The following CEP44 variants were observed in gnomAD, a reference collection of about 807,000 sequenced individuals.
CEP44 encodes the protein centrosomal protein 44.
Under a neutral mutation model 46.7 loss-of-function variants are expected in CEP44, and 45 were observed. That is an observed-to-expected ratio of 0.96 (90% CI 0.76 to 1.24). CEP44 has a LOEUF of 1.24. Among genes scored for constraint, CEP44 ranks in the 50% most tolerant of loss-of-function variants. CEP44 has a pLI of 0.00. For synonymous variants in CEP44, 142 were observed against 146.0 expected (o/e 0.97, Z 0.20); for missense variants, 475 against 459.7 (o/e 1.03, Z -0.30).
chr4:174,326,186 AT>A lies in CEP44; in HGVS notation c.1087-5289del, dbSNP rs1478125291. Among the ~76,000 whole-genome samples, 4 of 146,184 alleles carry A rather than the reference AT, an allele frequency of 2.7e-5. No individual in the cohort carries two copies. The highest frequency in any genetic ancestry group is 2.0e-4 in the East Asian group (1 of 4,892). On this transcript the variant is annotated intron_variant, in intron 8 of 8. Transcript: ENST00000426172. The surrounding 1 kb of genome is among the most constrained non-coding windows in gnomAD (Gnocchi z 4.8). ...CACTGGATATTTTTTAATGTTTTTT[AT>A]TTTTTTCTTGGCTTATGAAGTATCC...
In CEP44 at chr4:174,325,573, T is replaced by C. The variant is rs1470424725; in HGVS notation, c.1087-5909T>C. Among the ~76,000 whole-genome samples the C allele has an allele frequency of 1.3e-5, 2 of 152,060 alleles. No individual in the cohort carries two copies. Among genetic ancestry groups the C allele is most frequent in the Non-Finnish European group, 2.9e-5 (2 of 68,008 alleles). On this transcript the variant is annotated intron_variant, in intron 8 of 8. Coordinates refer to the CEP44 transcript ENST00000426172. The surrounding 1 kb of genome is among the most constrained non-coding windows in gnomAD (Gnocchi z 4.4). Reference sequence around the variant, plus strand: ...GAGAGGCTGAGGTGGGAAGATAACTTGAGCTGAGGAGGTTGTGGCTTCAGT... The same window carrying C: ...GAGAGGCTGAGGTGGGAAGATAACTCGAGCTGAGGAGGTTGTGGCTTCAGT...
intron 9 of CEP44, among the ~76,000 whole-genome samples, chr4:174,313,874 A>C (rs964054198): frequency 1.3e-5 from 2 of 152,168 alleles, no homozygotes; most frequent in Non-Finnish European, 2.9e-5. Flanking sequence ...AAATTCAGGA[A>C]GAGGAGAAGG....
chr4:174,299,784 C>T (rs1171343904), intron 3 of CEP44, among the ~76,000 whole-genome samples: 1 of 152,160 alleles, frequency 6.6e-6, no homozygotes, highest in Non-Finnish European at 1.5e-5. Flanking sequence ...ACTTTAGCTC[C>T]CATTTTGCAA....
In CEP44 at chr4:174,329,381, A is replaced by G. The variant is rs1206149899; in HGVS notation, c.1087-2101A>G. 6.6e-6 allele frequency among the ~76,000 whole-genome samples: 1 copy of G among 152,128 alleles called. No individual in the cohort carries two copies. The highest frequency in any genetic ancestry group is 2.4e-5 in the African/African-American group (1 of 41,446). ...ACACATTTTAATAGGAGTTAATTAT[A>G]AGAATTTTTAGAAAAGTTGTTAGCA... On this transcript the variant is annotated intron_variant, in intron 8 of 8. Coordinates refer to the CEP44 transcript ENST00000426172. The surrounding 1 kb of genome is among the most constrained non-coding windows in gnomAD (Gnocchi z 4.0).
At chr4:174,317,280 C>A in intron 11 of CEP44, 55 bp from the exon 12 acceptor site, 1 of 711,930 alleles carries the variant, frequency 1.4e-6, no homozygotes, top group Non-Finnish European at 2.1e-6. Context: ...AACTAAAATG[C>A]TATGCTTTAT....
chr4:174,330,476 G>A (rs1474715428), intron 8 of CEP44, among the ~76,000 whole-genome samples: 1 of 147,632 alleles, frequency 6.8e-6, no homozygotes, highest in Non-Finnish European at 1.5e-5. Context: ...GCAACAGAGT[G>A]AGACTTCGTC....
intron 1 of CEP44, among the ~76,000 whole-genome samples, chr4:174,295,041 A>T (rs1360398551): frequency 5.1e-5 from 6 of 117,208 alleles, no homozygotes; most frequent in African/African-American, 2.2e-4. Context: ...TGACCCCCCC[A>T]CCTCCCTCCC....
At chr4:174,295,734 C>G (rs1329236807) in intron 1 of CEP44, among the ~76,000 whole-genome samples, 1 of 152,234 alleles carries the variant, frequency 6.6e-6, no homozygotes, top group Non-Finnish European at 1.5e-5. Flanking sequence ...GTCTGCAATC[C>G]CGGCACCTCG....
chr4:174,320,435 T>C, downstream of CEP44: 1 of 541,642 alleles, frequency 1.8e-6, no homozygotes, highest in Non-Finnish European at 2.3e-6. Flanking sequence ...ACTACAACAC[T>C]TTTTGAGCTC....
chr4:174,320,133 A>G lies in CEP44; in HGVS notation c.*2750A>G. On this transcript the variant is annotated 3_prime_UTR_variant, in exon 12 of 12. Coordinates refer to ENST00000503780, the MANE Select transcript of CEP44 (RefSeq NM_001040157.3). The stretch of plus-strand genomic sequence containing the variant: ...GTCTCGGTAAAGATTATATGGAAAT[A>G]CTATAAAGAATACATAAGGTAAAAT... The G allele has an allele frequency of 1.0e-6, 1 of 985,208 alleles. No homozygotes were observed. Among genetic ancestry groups the G allele is most frequent in the Non-Finnish European group, 1.2e-6 (1 of 829,756 alleles). 61.0% of individuals were successfully genotyped at this position (985,208 alleles called of 1,614,324 possible).
At chr4:174,320,426 C>A, downstream of CEP44, 1 of 544,046 alleles carries the variant, frequency 1.8e-6, no homozygotes, top group Non-Finnish European at 2.1e-6. Flanking sequence ...ATTTTATAAA[C>A]TACAACACTT....
At chr4:174,328,916 G>T (rs1368398170) in intron 8 of CEP44, among the ~76,000 whole-genome samples, 3 of 152,030 alleles carry the variant, frequency 2.0e-5, no homozygotes, top group Non-Finnish European at 4.4e-5. Flanking sequence ...TTTAAGATCA[G>T]TGTGTACAAG....
chr4:174,319,275 A>G lies in CEP44; in HGVS notation c.*1892A>G. The G allele has an allele frequency of 1.0e-6, 1 of 967,556 alleles. No homozygotes were observed. Among genetic ancestry groups the G allele is most frequent in the East Asian group, 1.1e-4 (1 of 8,730 alleles). The allele number at this position is 967,556 out of a possible 1,614,324, so 59.9% of individuals were successfully genotyped here. A position where few individuals can be genotyped will look rare whatever the true frequency, so the allele number is the denominator to read the frequency against. ...TGAGAGAAGTACATTTATAAAAATT[A>G]AGAGGTTAAGAGGTTATAGTTATAA... On this transcript the variant is annotated 3_prime_UTR_variant, in exon 12 of 12. Transcript: ENST00000503780.
In CEP44 at chr4:174,318,472, A is replaced by T; in HGVS notation, c.*1089A>T. 1.0e-6 allele frequency: 1 copy of T among 959,926 alleles called. No homozygotes were observed. Among genetic ancestry groups the T allele is most frequent in the Non-Finnish European group, 1.2e-6 (1 of 808,222 alleles). The allele number at this position is 959,926 out of a possible 1,614,324, so 59.5% of individuals were successfully genotyped here. ...AGAGAAAAGTCTTAGCTGAAGGTAA[A>T]TCAATGGAAAAATGAAATTTATTTT... On this transcript the variant is annotated 3_prime_UTR_variant, in exon 12 of 12. Coordinates refer to ENST00000503780, the MANE Select transcript of CEP44 (RefSeq NM_001040157.3).
intron 2 of CEP44, among the ~76,000 whole-genome samples, chr4:174,298,775 T>C (rs1474947420): frequency 1.3e-5 from 2 of 151,860 alleles, no homozygotes; most frequent in Non-Finnish European, 2.9e-5. Context: ...CGGTGCTTTA[T>C]GCTTAAAAAA....
At chr4:174,316,605 T>C (rs1181107967) in intron 11 of CEP44, 38 bp downstream of exon 11, 7 of 1,535,006 alleles carry the variant, frequency 4.6e-6, no homozygotes, top group Non-Finnish European at 6.2e-6. Context: ...TTCATTTCTC[T>C]ATAGGGAATT....
intron 1 of CEP44, chr4:174,284,306 T>C (rs1737308343): frequency 2.7e-6 from 1 of 369,144 alleles, no homozygotes; most frequent in Non-Finnish European, 4.8e-6. Flanking sequence ...CCAACTAGTA[T>C]ATGCTTTTAG....
rs1359438720 is a variant in CEP44, at chr4:174,318,225, A to G, written c.*842A>G. ...ATTATAGGCATGCACCACCATGCCC[A>G]GCTAATTTTGTATTTTTATTAGAGA... On this transcript the variant is annotated 3_prime_UTR_variant, in exon 12 of 12. Transcript: ENST00000503780. The G allele has an allele frequency of 2.0e-5, 14 of 689,184 alleles. No individual in the cohort carries two copies. Among genetic ancestry groups the G allele is most frequent in the Non-Finnish European group, 2.3e-5 (13 of 559,934 alleles). 42.7% of individuals were successfully genotyped at this position (689,184 alleles called of 1,614,324 possible). A position where few individuals can be genotyped will look rare whatever the true frequency, so the allele number is the denominator to read the frequency against.
chr4:174,308,696 C>T lies in CEP44; in HGVS notation c.515C>T (p.Ala172Val). The T allele has an allele frequency of 6.2e-7, 1 of 1,601,716 alleles. No homozygotes were observed. The highest frequency in any genetic ancestry group is 1.1e-5 in the South Asian group (1 of 89,578). The change falls in exon 7 of 12, where the codon GCT becomes GTT. Residue 172 changes from alanine (A) to valine (V), a missense_variant. By Grantham distance (64) the Ala-to-Val change is moderately conservative. Coordinates refer to ENST00000503780, the MANE Select transcript of CEP44 (RefSeq NM_001040157.3). ...ATATTTTTCTCTATGCAGAAGAAAG[C>T]TGTGGTGATTCGTCACTTGTATAAT... ...GRFMTSGKKK[A>V]VVIRHLYNED...
Sources: gnomAD v4.1 joint callset for allele counts (sites outside exome capture counted in the v4.1 genomes callset) on GRCh38, gnomAD v4.1.1 for gene constraint, Gnocchi (gnomAD v3.1) non-coding constraint, MANE v1.5 for transcripts, NCBI Gene and HGNC (gene_info 2026-07-23, HGNC 2026-07-21) for gene names.